The following AXL variants were observed in gnomAD, a reference collection of about 807,000 sequenced individuals.
AXL encodes the protein tyrosine-protein kinase receptor UFO.
A neutral mutation model predicts 104.5 loss-of-function variants in AXL; 52 were observed. The ratio of observed to expected loss-of-function variants is 0.50; its 90% confidence interval spans 0.40 to 0.63. The LOEUF is 0.63. Ranked by LOEUF, AXL falls within the 20% of genes least tolerant of loss-of-function variation. The probability of loss-of-function intolerance (pLI) is 0.00; values close to 1 mark genes in which losing one functional copy is unlikely to be tolerated. For missense variants in AXL, 1,024 were observed against 1,188.5 expected (o/e 0.86, Z 2.04); for synonymous variants, 455 against 473.7 (o/e 0.96, Z 0.51).
At chr19:41,241,077 C>A (rs1186319193) in intron 10 of AXL, among the ~76,000 whole-genome samples, 1 of 152,172 alleles carries the variant, frequency 6.6e-6, no homozygotes, top group Non-Finnish European at 1.5e-5. Flanking sequence ...CTGCACACTT[C>A]TCTCACACTG....
intron 4 of AXL, among the ~76,000 whole-genome samples, chr19:41,225,996 T>C (rs564246381): frequency 6.6e-6 from 1 of 152,280 alleles, no homozygotes; most frequent in East Asian, 1.9e-4. Context: ...TCAGGACATC[T>C]GGAAAGCACA....
chr19:41,226,963 T>G, intron 4 of AXL: 1 of 220,548 alleles, frequency 4.5e-6, no homozygotes, highest in Non-Finnish European at 7.6e-6. Context: ...TAGCCAAGTG[T>G]GGTGGCCGCC....
chr19:41,236,777 CA>C (rs2034087078), intron 6 of AXL, among the ~76,000 whole-genome samples: 2 of 118,364 alleles, frequency 1.7e-5, no homozygotes, highest in Admixed American at 8.7e-5. Context: ...ACTCCCTCTC[CA>C]AAAAAAGGAA....
intron 3 of AXL, 124 bp downstream of exon 3, chr19:41,221,370 G>T (rs193250025): frequency 1.1e-5 from 9 of 790,252 alleles, no homozygotes. Flanking sequence ...TGAACCTAGC[G>T]TCATACAGCC....
At chr19:41,234,398 A>G (rs1568411693) in intron 6 of AXL, among the ~76,000 whole-genome samples, 1 of 152,208 alleles carries the variant, frequency 6.6e-6, no homozygotes, top group East Asian at 1.9e-4. Flanking sequence ...AGGCAGGTGG[A>G]TCGCTTGAGC....
chr19:41,239,755 A>G, intron 10 of AXL, 35 bp downstream of exon 10: 2 of 1,612,158 alleles, frequency 1.2e-6, no homozygotes, highest in African/African-American at 2.7e-5. Flanking sequence ...CTCCTTCCCT[A>G]CCCTCAACAC....
chr19:41,239,560 G>C, intron 9 of AXL, 134 bp from the exon 10 acceptor site: 1 of 1,224,670 alleles, frequency 8.2e-7, no homozygotes, highest in Non-Finnish European at 1.2e-6. Context: ...TCCCTTACCC[G>C]TGCCAAACCT....
chr19:41,245,892 C>T (rs1008779295), intron 12 of AXL, among the ~76,000 whole-genome samples: 2 of 152,068 alleles, frequency 1.3e-5, no homozygotes, highest in South Asian at 2.1e-4. Flanking sequence ...GAAGAAGCAA[C>T]GATGTCCCAG....
chr19:41,222,063 C>A lies in AXL; in HGVS notation c.586+7C>A. 1 of 1,541,304 alleles carries A rather than the reference C, an allele frequency of 6.5e-7. No homozygotes were observed. On this transcript the variant is annotated splice_region_variant and intron_variant, in intron 4 of 19. Transcript: ENST00000301178. Reference sequence around the variant, plus strand: ...CGCAGCCTGCATGTTCCAGGTGAGTCCGGGGATGTGGGTCAGCTCCGAATA... The same window carrying A: ...CGCAGCCTGCATGTTCCAGGTGAGTACGGGGATGTGGGTCAGCTCCGAATA...
intron 17 of AXL, among the ~76,000 whole-genome samples, 157 bp from the exon 18 acceptor site, chr19:41,256,295 G>A (rs1438844386): frequency 6.6e-6 from 1 of 152,204 alleles, no homozygotes; most frequent in African/African-American, 2.4e-5. Context: ...AAGTAAAGCA[G>A]TTCCCTTCTG....
intron 12 of AXL, among the ~76,000 whole-genome samples, chr19:41,245,654 C>T (rs1161736304): frequency 6.9e-6 from 1 of 145,800 alleles, no homozygotes; most frequent in Non-Finnish European, 1.5e-5. Context: ...GCGGAGGTTG[C>T]AGTGAGCCGA....
intron 6 of AXL, among the ~76,000 whole-genome samples, chr19:41,233,432 C>T (rs1271545760): frequency 1.3e-5 from 2 of 151,668 alleles, no homozygotes; most frequent in Non-Finnish European, 2.9e-5. Flanking sequence ...CGCCTGTAAT[C>T]CCAGCACTTC....
intron 1 of AXL, 115 bp from the exon 2 acceptor site, chr19:41,220,521 G>A (rs759059704): frequency 6.5e-5 from 55 of 845,204 alleles, no homozygotes; most frequent in Admixed American, 1.4e-4. Flanking sequence ...CAACTATGTC[G>A]GCCTAAGGGC....
chr19:41,219,762 C>T (rs2033752085), intron 1 of AXL, among the ~76,000 whole-genome samples: 1 of 150,902 alleles, frequency 6.6e-6, no homozygotes, highest in African/African-American at 2.4e-5. Flanking sequence ...GGGGGCTGGA[C>T]CTGAGAAGGG....
At chr19:41,243,076 G>A (rs1363490320) in intron 11 of AXL, 61 bp downstream of exon 11, 5 of 1,609,042 alleles carry the variant, frequency 3.1e-6, no homozygotes, top group Admixed American at 1.7e-5. Context: ...GAGGCAGGGA[G>A]GCCAGTGAGG....
rs576219033 is a variant in AXL at position 41,258,143 on chromosome 19, C to T, written c.2333+514C>T. Among the ~76,000 whole-genome samples the T allele has an allele frequency of 3.9e-5, 6 of 152,280 alleles. No individual in the cohort carries two copies. In the South Asian group the frequency reaches 1.0e-3, roughly 26 times the overall value. Reference sequence around the variant, plus strand: ...CAATATTGGAGTATGCGGAGAAGGCCGTGACATTTAGCTAGCACTTTGAGG... The same window carrying T: ...CAATATTGGAGTATGCGGAGAAGGCTGTGACATTTAGCTAGCACTTTGAGG... On this transcript the variant is annotated intron_variant, in intron 19 of 19. Coordinates refer to ENST00000301178, the MANE Select transcript of AXL (RefSeq NM_021913.5).
intron 4 of AXL, among the ~76,000 whole-genome samples, chr19:41,226,190 G>A (rs550624707): frequency 2.6e-5 from 4 of 151,986 alleles, no homozygotes; most frequent in East Asian, 1.9e-4. Context: ...AGGTGCCCCC[G>A]GTGACTCACG....
chr19:41,223,659 G>A (rs1403532271), intron 4 of AXL, among the ~76,000 whole-genome samples: 1 of 152,154 alleles, frequency 6.6e-6, no homozygotes, highest in Non-Finnish European at 1.5e-5. Context: ...CTGGGACCCT[G>A]AGTTGCAAGG....
chr19:41,231,354 A>G (rs2033986081), intron 6 of AXL, 56 bp downstream of exon 6: 2 of 1,475,366 alleles, frequency 1.4e-6, no homozygotes, highest in African/African-American at 2.8e-5. Context: ...ACCCACATCC[A>G]CAACCCCCAT....
Sources: allele counts gnomAD v4.1 joint callset (sites outside exome capture counted in the v4.1 genomes callset), GRCh38; gene constraint gnomAD v4.1.1; transcripts MANE v1.5; gene names NCBI Gene and HGNC (gene_info 2026-07-23, HGNC 2026-07-21).